CACNG2: variants seen among roughly 807,000 people sequenced by gnomAD.
CACNG2 encodes the protein voltage-dependent calcium channel gamma-2 subunit.
In CACNG2, 3 loss-of-function variants were observed where a neutral mutation model predicts 25.9. The ratio of observed to expected loss-of-function variants is 0.12; its 90% CI spans 0.05 to 0.30. CACNG2 has a LOEUF of 0.30. Among genes scored for constraint, CACNG2 ranks in the 10% least tolerant of loss-of-function variants. The pLI is 1.00. For synonymous variants in CACNG2, 167 were observed against 173.3 expected, an observed-to-expected ratio of 0.96 and a Z score of 0.29; for missense variants, 341 against 432.5, an observed-to-expected ratio of 0.79 and a Z score of 1.88.
intron 1 of CACNG2, among the ~76,000 whole-genome samples, chr22:36,682,136 T>C (rs557692542): frequency 6.6e-6 from 1 of 152,366 alleles, no homozygotes; most frequent in Non-Finnish European, 1.5e-5. Flanking sequence ...AGCTCATTTC[T>C]AAGCTTGGGA....
intron 1 of CACNG2, among the ~76,000 whole-genome samples, chr22:36,700,592 T>G (rs1472623448): frequency 2.0e-5 from 3 of 152,202 alleles, no homozygotes; most frequent in Non-Finnish European, 4.4e-5. Context: ...TTGCTTTTCT[T>G]CTCTTTCGGA....
intron 1 of CACNG2, among the ~76,000 whole-genome samples, chr22:36,647,095 G>A (rs777240604): frequency 6.6e-6 from 1 of 151,962 alleles, no homozygotes; most frequent in Non-Finnish European, 1.5e-5. Flanking sequence ...GGTTCTTATG[G>A]ATGCTGTCCC....
intron 1 of CACNG2, among the ~76,000 whole-genome samples, chr22:36,645,749 T>A (rs1437754081): frequency 1.3e-5 from 2 of 152,198 alleles, no homozygotes; most frequent in Non-Finnish European, 2.9e-5. Flanking sequence ...TACAGGAATC[T>A]CATAATGGGA....
chr22:36,680,150 CTACCACCACCATCACCGTCACCACCAT>C (rs1937081622), intron 1 of CACNG2, among the ~76,000 whole-genome samples: 2 of 151,542 alleles, frequency 1.3e-5, no homozygotes, highest in Non-Finnish European at 2.9e-5. Context: ...ACCACCATCA[CTACCACCACCATCACCGTCACCACCAT>C]TACCACCACC....
chr22:36,663,159 C>A lies in CACNG2; in HGVS notation c.211+39207G>T, dbSNP rs535433716. Among the ~76,000 whole-genome samples the A allele has an allele frequency of 3.3e-5, 5 of 152,246 alleles. No individual in the cohort carries two copies. In the South Asian group the frequency reaches 8.3e-4, roughly 25 times the overall value. ...AGCCCTTTGAGAGGAGACCCTTGCC[C>A]AAGTCGGTCTACGGGTGGGTGCCTG... On this transcript the variant is annotated intron_variant, in intron 1 of 3. Coordinates refer to ENST00000300105, the MANE Select transcript of CACNG2 (RefSeq NM_006078.5).
intron 1 of CACNG2, among the ~76,000 whole-genome samples, chr22:36,621,753 C>T (rs867918743): frequency 6.6e-6 from 1 of 152,112 alleles, no homozygotes. Flanking sequence ...AGTGCAGGCT[C>T]CTGGTGACAG....
chr22:36,583,594 T>C (rs1935455679), intron 2 of CACNG2, among the ~76,000 whole-genome samples: 2 of 152,146 alleles, frequency 1.3e-5, no homozygotes, highest in South Asian at 4.1e-4. Flanking sequence ...TTCACTTCCG[T>C]CCCTATCCTG....
chr22:36,586,496 A>G (rs985033920), intron 2 of CACNG2, among the ~76,000 whole-genome samples: 2 of 152,188 alleles, frequency 1.3e-5, no homozygotes, highest in African/African-American at 4.8e-5. Context: ...CGGGCTTTTC[A>G]ATGAAACCAG....
At chr22:36,621,192 C>T (rs1936098002) in intron 1 of CACNG2, among the ~76,000 whole-genome samples, 2 of 152,132 alleles carry the variant, frequency 1.3e-5, no homozygotes, top group South Asian at 2.1e-4. Flanking sequence ...CCCTAATGTC[C>T]ATAGGTCGCT....
At chr22:36,663,626 G>A (rs1200845770) in intron 1 of CACNG2, among the ~76,000 whole-genome samples, 4 of 152,162 alleles carry the variant, frequency 2.6e-5, no homozygotes, top group Admixed American at 6.5e-5. Flanking sequence ...AATGCGTCGC[G>A]AGGGGGCCTC....
At chr22:36,578,297 G>A (rs1369962326) in intron 2 of CACNG2, among the ~76,000 whole-genome samples, 1 of 150,434 alleles carries the variant, frequency 6.6e-6, no homozygotes, top group Admixed American at 6.7e-5. Flanking sequence ...GGCGGAGGTT[G>A]CAGTGAGCCG....
In CACNG2 at chr22:36,564,970, G is replaced by C; in HGVS notation, c.437-84C>G. The C allele has an allele frequency of 7.8e-7, 1 of 1,288,706 alleles. No homozygotes were observed. Among genetic ancestry groups the C allele is most frequent in the Non-Finnish European group, 1.1e-6 (1 of 899,462 alleles). 79.8% of individuals were successfully genotyped at this position (1,288,706 alleles called of 1,614,324 possible). On this transcript the variant is annotated intron_variant, in intron 3 of 3. Coordinates refer to ENST00000300105, the MANE Select transcript of CACNG2 (RefSeq NM_006078.5). This position sits in a 1 kb window ranked among gnomAD's most constrained non-coding sequence, Gnocchi z 6.7. The stretch of plus-strand genomic sequence containing the variant: ...AAGTCGGCCACAGGGCAGCCGTAAA[G>C]GACGGGGACAGCTGTGTGGGCCTTC...
At chr22:36,690,088 A>C (rs1937249412) in intron 1 of CACNG2, among the ~76,000 whole-genome samples, 1 of 152,208 alleles carries the variant, frequency 6.6e-6, no homozygotes, top group Non-Finnish European at 1.5e-5. Context: ...GTGTCATTTT[A>C]GTTCTGTCTT....
intron 1 of CACNG2, among the ~76,000 whole-genome samples, chr22:36,682,442 A>G (rs1937136623): frequency 6.6e-6 from 1 of 150,980 alleles, no homozygotes; most frequent in Non-Finnish European, 1.5e-5. Flanking sequence ...TTTCCTCTCC[A>G]TCCTCTCCTT....
chr22:36,572,129 T>A (rs1935241011), intron 2 of CACNG2, among the ~76,000 whole-genome samples: 2 of 152,220 alleles, frequency 1.3e-5, no homozygotes, highest in African/African-American at 4.8e-5. Context: ...ACTGGTCTCC[T>A]ATGAGTAAGC....
chr22:36,671,567 C>T (rs190914991), intron 1 of CACNG2, among the ~76,000 whole-genome samples: 153 of 152,326 alleles, frequency 1.0e-3, no homozygotes, highest in Admixed American at 3.1e-3. Flanking sequence ...TAAGGCAAAT[C>T]TGGGCGTTAG....
intron 1 of CACNG2, among the ~76,000 whole-genome samples, chr22:36,625,045 A>AAAAAAAAAAAAC (rs1936165052): frequency 6.7e-6 from 1 of 150,182 alleles, no homozygotes; most frequent in Non-Finnish European, 1.5e-5. Context: ...AAAAAAAAGA[A>AAAAAAAAAAAAC]CCACAGATTA....
At position 36,695,979 on chromosome 22, in the gene CACNG2, A is replaced by G. The variant is rs145761991; in HGVS notation, c.211+6387T>C. On this transcript the variant is annotated intron_variant, in intron 1 of 3. Transcript: ENST00000300105. ...ACTAACCTGGAAACGTACAATGCCTATTGCGTTTGAATATGGGTTTTTGAC... is the reference window on the plus strand; with the variant it reads ...ACTAACCTGGAAACGTACAATGCCTGTTGCGTTTGAATATGGGTTTTTGAC... Among the ~76,000 whole-genome samples the G allele has an allele frequency of 2.8e-4, 42 of 152,344 alleles. No individual in the cohort carries two copies. The East Asian group carries it at 7.7e-3, about 28-fold the overall frequency.
In CACNG2 at chr22:36,577,076, T is replaced by TCCC. The variant is rs925708106; in HGVS notation, c.295+10386_295+10388dup. ...GTCCATCTTCCTAGCTGTGACCTGG[T>TCCC]CCCCCGGGGGCCTCTGCTGCCCCCT... On this transcript the variant is annotated intron_variant, in intron 2 of 3. Coordinates refer to ENST00000300105, the MANE Select transcript of CACNG2 (RefSeq NM_006078.5). Among the ~76,000 whole-genome samples, 78 of 152,082 alleles carry TCCC rather than the reference T, an allele frequency of 5.1e-4. 1 individual carries two copies. The highest frequency in any genetic ancestry group is 1.9e-3 in the African/African-American group (77 of 41,478).
Sources: allele counts gnomAD v4.1 joint callset (sites outside exome capture counted in the v4.1 genomes callset), GRCh38; gene constraint gnomAD v4.1.1; non-coding constraint Gnocchi (gnomAD v3.1); transcripts MANE v1.5; gene names NCBI Gene and HGNC (gene_info 2026-07-23, HGNC 2026-07-21).